Variants in ADAMTS12 observed in about 807,000 individuals in gnomAD.
ADAMTS12 encodes the protein ADAM metallopeptidase with thrombospondin type 1 motif 12, also known as A disintegrin and metalloproteinase with thrombospondin motifs 12.
ADAMTS12 carries 118 observed loss-of-function variants against 167.8 expected under a neutral mutation model. That is an observed-to-expected ratio of 0.70 (90% CI 0.61 to 0.82). The LOEUF (loss-of-function observed/expected upper bound fraction) is 0.82, where lower values mean the gene tolerates loss of function less well. Among genes scored for constraint, ADAMTS12 ranks in the 40% least tolerant of loss-of-function variants. The pLI is 0.00. For synonymous variants in ADAMTS12, 704 were observed against 716.9 expected (o/e 0.98, Z 0.29); for missense variants, 1,916 against 1,998.8 (o/e 0.96, Z 0.79).
intron 18 of ADAMTS12, among the ~76,000 whole-genome samples, chr5:33,578,311 T>A (rs919935841): frequency 6.6e-6 from 1 of 152,208 alleles, no homozygotes. Context: ...GCAGGAACTG[T>A]TATTCTGCCT....
chr5:33,661,874 C>A (rs781647953), intron 6 of ADAMTS12, 42 bp downstream of exon 6: 5 of 1,610,356 alleles, frequency 3.1e-6, no homozygotes, highest in South Asian at 2.2e-5. Context: ...GCCATCCCTC[C>A]CTGCTTTACT....
intron 3 of ADAMTS12, among the ~76,000 whole-genome samples, chr5:33,743,698 T>C (rs1352066678): frequency 1.3e-5 from 2 of 152,194 alleles, no homozygotes; most frequent in Non-Finnish European, 2.9e-5. Flanking sequence ...TATCCATCCA[T>C]CCATCTATTC....
chr5:33,699,672 G>A (rs966855), intron 3 of ADAMTS12, among the ~76,000 whole-genome samples: 130,798 of 152,182 alleles, frequency 0.86, 56,436 homozygotes, highest in Non-Finnish European at 0.89. Flanking sequence ...TATGCTAAAA[G>A]CCACCAGATT....
intron 1 of ADAMTS12, among the ~76,000 whole-genome samples, chr5:33,889,879 G>T (rs1274155410): frequency 6.6e-6 from 1 of 152,156 alleles, no homozygotes; most frequent in Non-Finnish European, 1.5e-5. Flanking sequence ...TTGAACCCGG[G>T]AGGCAGAGGT....
chr5:33,769,580 C>T (rs929880591), intron 2 of ADAMTS12, among the ~76,000 whole-genome samples: 13 of 152,062 alleles, frequency 8.5e-5, no homozygotes, highest in Non-Finnish European at 1.8e-4. Flanking sequence ...CATCTCAGCC[C>T]CAAGAGTTGC....
At chr5:33,795,550 T>C (rs1216032480) in intron 2 of ADAMTS12, among the ~76,000 whole-genome samples, 1 of 152,110 alleles carries the variant, frequency 6.6e-6, no homozygotes, top group East Asian at 1.9e-4. Context: ...ACGAACAACC[T>C]TAAGAAATGT....
At chr5:33,543,019 A>T (rs1272392736) in intron 22 of ADAMTS12, among the ~76,000 whole-genome samples, 1 of 152,350 alleles carries the variant, frequency 6.6e-6, no homozygotes, top group East Asian at 1.9e-4. Context: ...AGATCAGAGC[A>T]GAACTGAAGG....
At chr5:33,720,247 T>G (rs1290796482) in intron 3 of ADAMTS12, among the ~76,000 whole-genome samples, 1 of 149,736 alleles carries the variant, frequency 6.7e-6, no homozygotes, top group East Asian at 2.0e-4. Flanking sequence ...GAATAAAATG[T>G]TAATAGTTTC....
Position 33,579,459 on chromosome 5 carries a change from T to A in ADAMTS12, c.2866-2299A>T, listed in dbSNP as rs188455880. On this transcript the variant is annotated intron_variant, in intron 18 of 23. Coordinates refer to ENST00000504830, the MANE Select transcript of ADAMTS12 (RefSeq NM_030955.4). The stretch of plus-strand genomic sequence containing the variant: ...AACGCTTCTATTTTTATTTTCTTTC[T>A]CTTCTTTCTCTTTTTCTTTTTGGTT... 1.1e-4 allele frequency among the ~76,000 whole-genome samples: 16 copies of A among 152,330 alleles called. No homozygotes were observed. The East Asian group carries it at 3.1e-3, about 29-fold the overall frequency.
chr5:33,641,712 G>A, intron 11 of ADAMTS12, 98 bp downstream of exon 11: 1 of 1,203,924 alleles, frequency 8.3e-7, no homozygotes, highest in East Asian at 2.7e-5. Context: ...TTTACCTGGA[G>A]GAGGCTTGGG....
Position 33,684,011 on chromosome 5 carries a change from AC to A in ADAMTS12, c.678del (p.Lys226AsnfsTer33), listed in dbSNP as rs1742229671. On this transcript the variant is annotated frameshift_variant, in exon 4 of 24. Coordinates refer to ENST00000504830, the MANE Select transcript of ADAMTS12 (RefSeq NM_030955.4). LOFTEE classifies it high-confidence loss of function. ...CTGCTTGGCAAGTTGTGCCTCTCCCACTTCTCCCGCCATAGCTCTTGCTTCT... is the reference window on the plus strand; with the variant it reads ...CTGCTTGGCAAGTTGTGCCTCTCCCATTCTCCCGCCATAGCTCTTGCTTCT... ...ISQKQELWRE[K>X]WERHNLPSRS... is the part of the protein sequence containing the mutation. The A allele has an allele frequency of 6.2e-7, 1 of 1,603,584 alleles. No homozygotes were observed.
intron 5 of ADAMTS12, among the ~76,000 whole-genome samples, chr5:33,669,454 T>C (rs1158486824): frequency 1.3e-5 from 2 of 152,206 alleles, no homozygotes; most frequent in East Asian, 1.9e-4. Flanking sequence ...CCAAGCATCA[T>C]GTAGGATATG....
intron 2 of ADAMTS12, among the ~76,000 whole-genome samples, chr5:33,870,169 T>C (rs1004873812): frequency 2.0e-5 from 3 of 152,230 alleles, no homozygotes; most frequent in African/African-American, 7.2e-5. Context: ...GATTTCATAT[T>C]GTTCAAACAC....
At chr5:33,765,400 T>C (rs1440151202) in intron 2 of ADAMTS12, among the ~76,000 whole-genome samples, 2 of 152,256 alleles carry the variant, frequency 1.3e-5, no homozygotes, top group Non-Finnish European at 1.5e-5. Flanking sequence ...CAAAACATCT[T>C]AGTTTTGCAT....
At chr5:33,702,313 T>C (rs1467800276) in intron 3 of ADAMTS12, among the ~76,000 whole-genome samples, 1 of 152,208 alleles carries the variant, frequency 6.6e-6, no homozygotes, top group African/African-American at 2.4e-5. Flanking sequence ...TTATTTCTTC[T>C]GCTGCAGCAT....
At chr5:33,549,479 T>C (rs1745151017) in intron 20 of ADAMTS12, 96 bp from the exon 21 acceptor site, 2 of 1,435,180 alleles carry the variant, frequency 1.4e-6, no homozygotes, top group Middle Eastern at 1.8e-4. Flanking sequence ...CATTCAGTCA[T>C]AAAGAGGGGT....
intron 9 of ADAMTS12, among the ~76,000 whole-genome samples, chr5:33,645,928 AC>A (rs1217013971): frequency 9.9e-5 from 15 of 152,204 alleles, no homozygotes. Context: ...AGTCTAGTAA[AC>A]AAAAACCTAA....
intron 2 of ADAMTS12, among the ~76,000 whole-genome samples, chr5:33,760,536 G>A (rs939207664): frequency 5.9e-5 from 9 of 152,160 alleles, no homozygotes; most frequent in Admixed American, 6.5e-5. Context: ...AGAAAATTAG[G>A]AAAAGGAAAA....
chr5:33,539,837 A>T (rs544496698), intron 22 of ADAMTS12, among the ~76,000 whole-genome samples: 1 of 152,292 alleles, frequency 6.6e-6, no homozygotes, highest in South Asian at 2.1e-4. Flanking sequence ...AGGTTCCAAG[A>T]TGGCTGAATA....
Sources: allele counts gnomAD v4.1 joint callset (sites outside exome capture counted in the v4.1 genomes callset), GRCh38; gene constraint gnomAD v4.1.1; transcripts MANE v1.5; gene names NCBI Gene and HGNC (gene_info 2026-07-23, HGNC 2026-07-21).